Variants in DDX10 observed in about 807,000 individuals in gnomAD.
DDX10 encodes the protein probable ATP-dependent RNA helicase DDX10.
DDX10 carries 74 observed loss-of-function variants against 104.3 expected under a neutral mutation model. The observed-to-expected ratio is 0.71, with a 90% CI of 0.59 to 0.86. DDX10 has a LOEUF of 0.86. Ranked by LOEUF, DDX10 falls within the 40% of genes least tolerant of loss-of-function variation. The probability of loss-of-function intolerance (pLI) is 0.00; values close to 1 mark genes in which losing one functional copy is unlikely to be tolerated. For synonymous variants in DDX10, 351 were observed against 353.4 expected (o/e 0.99, Z 0.08); for missense variants, 952 against 1,040.0 (o/e 0.92, Z 1.16).
chr11:108,932,704 T>A (rs965638905), intron 17 of DDX10, among the ~76,000 whole-genome samples: 4 of 152,064 alleles, frequency 2.6e-5, no homozygotes, highest in Non-Finnish European at 5.9e-5. Flanking sequence ...CTAAAGGTCT[T>A]TCTCCTTAAA....
chr11:108,705,063 G>A (rs2094273930), intron 9 of DDX10, among the ~76,000 whole-genome samples: 1 of 152,170 alleles, frequency 6.6e-6, no homozygotes. Flanking sequence ...CTTACATATT[G>A]GTGGTATTCA....
At chr11:108,758,820 T>G (rs1248203202) in intron 13 of DDX10, among the ~76,000 whole-genome samples, 1 of 152,072 alleles carries the variant, frequency 6.6e-6, no homozygotes, top group Non-Finnish European at 1.5e-5. Context: ...GTTAGCTGAT[T>G]AACTGCCTTA....
At chr11:108,918,292 CTT>C (rs201078868) in intron 17 of DDX10, 240 of 326,454 alleles carry the variant, frequency 7.4e-4, no homozygotes, top group Middle Eastern at 1.6e-3. Context: ...TTTCTCTATT[CTT>C]TTTTTTTTTT....
At chr11:108,820,859 G>C (rs1862317843) in intron 13 of DDX10, among the ~76,000 whole-genome samples, 1 of 152,134 alleles carries the variant, frequency 6.6e-6, no homozygotes, top group South Asian at 2.1e-4. Context: ...CAACAAATAA[G>C]TGTCAAGTTA....
intron 13 of DDX10, among the ~76,000 whole-genome samples, chr11:108,774,358 A>G (rs2094367105): frequency 2.0e-5 from 3 of 152,210 alleles, no homozygotes; most frequent in Non-Finnish European, 4.4e-5. Context: ...CTTTTAACAC[A>G]GTATACCATT....
At chr11:108,802,747 C>A (rs1246471788) in intron 13 of DDX10, among the ~76,000 whole-genome samples, 1 of 151,968 alleles carries the variant, frequency 6.6e-6, no homozygotes, top group Non-Finnish European at 1.5e-5. Flanking sequence ...TGTGAAAATC[C>A]CCCCTCCCTC....
At chr11:108,917,323 A>G (rs576916401) in intron 16 of DDX10, among the ~76,000 whole-genome samples, 1 of 151,990 alleles carries the variant, frequency 6.6e-6, no homozygotes, top group Non-Finnish European at 1.5e-5. Flanking sequence ...TTATATTTTC[A>G]CCTAGTATTT....
At chr11:108,698,996 C>T (rs2094263744) in intron 9 of DDX10, among the ~76,000 whole-genome samples, 1 of 152,188 alleles carries the variant, frequency 6.6e-6, no homozygotes, top group South Asian at 2.1e-4. Context: ...TCCTTTTAAC[C>T]CTGCTTGACA....
intron 13 of DDX10, chr11:108,822,347 C>T (rs1244079879): frequency 5.5e-6 from 2 of 361,944 alleles, no homozygotes; most frequent in African/African-American, 2.1e-5. Context: ...TGATGAGTAG[C>T]GTTTTTGAGA....
intron 17 of DDX10, among the ~76,000 whole-genome samples, chr11:108,932,217 T>C: frequency 6.6e-6 from 1 of 151,944 alleles, no homozygotes; most frequent in Non-Finnish European, 1.5e-5. Context: ...TGTGTGAAAT[T>C]TGGCCAACAG....
intron 13 of DDX10, among the ~76,000 whole-genome samples, chr11:108,798,715 G>A (rs1346222914): frequency 6.6e-6 from 1 of 152,180 alleles, no homozygotes; most frequent in East Asian, 1.9e-4. Flanking sequence ...GGATGTTAGT[G>A]TATTTGGTGT....
chr11:108,687,246 G>C (rs1214718947), intron 6 of DDX10, among the ~76,000 whole-genome samples: 2 of 152,196 alleles, frequency 1.3e-5, no homozygotes, highest in African/African-American at 4.8e-5. Flanking sequence ...TAAGTGTGAA[G>C]TGACATATCG....
At chr11:108,859,153 ACT>A (rs1565300960) in intron 16 of DDX10, among the ~76,000 whole-genome samples, 1 of 152,048 alleles carries the variant, frequency 6.6e-6, no homozygotes, top group African/African-American at 2.4e-5. Flanking sequence ...ACCACTGATG[ACT>A]CTGCAGTGGG....
intron 13 of DDX10, among the ~76,000 whole-genome samples, chr11:108,786,033 T>A (rs1861785864): frequency 6.6e-6 from 1 of 152,172 alleles, no homozygotes; most frequent in Non-Finnish European, 1.5e-5. Flanking sequence ...AAGATTTTTA[T>A]AAGTTGTGTC....
At chr11:108,867,793 C>A (rs555620700) in intron 16 of DDX10, among the ~76,000 whole-genome samples, 2 of 152,222 alleles carry the variant, frequency 1.3e-5, no homozygotes, top group African/African-American at 4.8e-5. Context: ...AAATTATTAA[C>A]AAAACAGATA....
chr11:108,828,619 C>CTTAATTTTAAGACTACAGT (rs1862428902), intron 13 of DDX10, among the ~76,000 whole-genome samples: 1 of 151,856 alleles, frequency 6.6e-6, no homozygotes, highest in Non-Finnish European at 1.5e-5. Context: ...TTAGGTGGGT[C>CTTAATTTTAAGACTACAGT]TTAATTTTAA....
rs552185076 is a variant in DDX10, at chr11:108,677,758, A to G, written c.537+515A>G. 2.7e-4 allele frequency among the ~76,000 whole-genome samples: 40 copies of G among 150,684 alleles called. 1 individual carries two copies. The South Asian group carries it at 8.5e-3, about 32-fold the overall frequency. ...CTAGACTGTGAGGATAAATACTTCA[A>G]TTTTTATGCAAACATGCACAAAAGA... On this transcript the variant is annotated intron_variant, in intron 4 of 17. Coordinates refer to ENST00000322536, the MANE Select transcript of DDX10 (RefSeq NM_004398.4).
At chr11:108,780,084 T>C (rs2094376143) in intron 13 of DDX10, among the ~76,000 whole-genome samples, 1 of 152,168 alleles carries the variant, frequency 6.6e-6, no homozygotes, top group African/African-American at 2.4e-5. Context: ...TTAGAAAGCA[T>C]TGGCAAAGAG....
chr11:108,905,318 G>GGGGT, intron 16 of DDX10, among the ~76,000 whole-genome samples: 1 of 148,800 alleles, frequency 6.7e-6, no homozygotes, highest in African/African-American at 2.5e-5. Flanking sequence ...TTTAAGGGGG[G>GGGGT]GGGGGGTTGA....
Sources: gnomAD v4.1 joint callset for allele counts (sites outside exome capture counted in the v4.1 genomes callset) on GRCh38, gnomAD v4.1.1 for gene constraint, MANE v1.5 for transcripts, NCBI Gene and HGNC (gene_info 2026-07-23, HGNC 2026-07-21) for gene names.